The following RBFOX2 variants were observed in gnomAD, a reference collection of about 807,000 sequenced individuals.
The protein encoded by RBFOX2 is RNA binding protein fox-1 homolog 2.
A neutral mutation model predicts 49.1 loss-of-function variants in RBFOX2; 10 were observed. That is an observed-to-expected ratio of 0.20 (90% CI 0.13 to 0.35). The LOEUF is 0.35. Among genes scored for constraint, RBFOX2 ranks in the 10% least tolerant of loss-of-function variants. The probability of loss-of-function intolerance (pLI) is 1.00; values close to 1 mark genes in which losing one functional copy is unlikely to be tolerated. For missense variants in RBFOX2, 323 were observed against 486.9 expected, an observed-to-expected ratio of 0.66 and a Z score of 3.17; for synonymous variants, 183 against 187.4, an observed-to-expected ratio of 0.98 and a Z score of 0.19.
intron 9 of RBFOX2, among the ~76,000 whole-genome samples, chr22:35,750,039 G>A (rs976399868): frequency 2.0e-5 from 3 of 152,076 alleles, no homozygotes; most frequent in African/African-American, 7.2e-5. Flanking sequence ...ACAACGACCT[G>A]GTATTACGGA....
At chr22:35,942,470 C>T (rs945231846), upstream of RBFOX2, among the ~76,000 whole-genome samples, 1 of 151,662 alleles carries the variant, frequency 6.6e-6, no homozygotes, top group Admixed American at 6.6e-5. Flanking sequence ...TAGTGAAAAA[C>T]TAGGAAAAAA....
intron 3 of RBFOX2, among the ~76,000 whole-genome samples, chr22:35,779,004 C>T (rs981280284): frequency 6.6e-6 from 1 of 152,186 alleles, no homozygotes; most frequent in South Asian, 2.1e-4. Context: ...CTATTCACCA[C>T]TTTAATATTT....
At chr22:35,897,941 C>T in intron 1 of RBFOX2, 2 of 766,872 alleles carry the variant, frequency 2.6e-6, no homozygotes, top group East Asian at 2.5e-5. Flanking sequence ...TCCTTGGACA[C>T]CTGAGCAATT....
chr22:35,747,511 T>C (rs1371150778), intron 9 of RBFOX2: 1 of 152,218 alleles, frequency 6.6e-6, no homozygotes, highest in African/African-American at 2.4e-5. Context: ...AACTCAAATA[T>C]ACAAAAGGTT....
At position 35,761,402 on chromosome 22, in the gene RBFOX2, A is replaced by G. The variant is rs1288455300; in HGVS notation, c.661+13T>C. The G allele has an allele frequency of 1.2e-6, 2 of 1,613,960 alleles. No individual in the cohort carries two copies. The highest frequency in any genetic ancestry group is 2.2e-5 in the South Asian group (2 of 91,078). ...TTAAATAGCACAAGTGGAAACATTTACTTAAATACTACCTGCATATAACTC... is the reference window on the plus strand; with the variant it reads ...TTAAATAGCACAAGTGGAAACATTTGCTTAAATACTACCTGCATATAACTC... On this transcript the variant is annotated intron_variant, in intron 7 of 11. Coordinates refer to ENST00000405409, the Ensembl canonical transcript of RBFOX2.
At chr22:35,751,611 G>C (rs1375027196) in intron 9 of RBFOX2, among the ~76,000 whole-genome samples, 1 of 152,130 alleles carries the variant, frequency 6.6e-6, no homozygotes, top group Admixed American at 6.5e-5. Context: ...AGATATTATA[G>C]AGTTCTTTTG....
At chr22:35,770,724 C>T (rs1176244808) in intron 4 of RBFOX2, among the ~76,000 whole-genome samples, 1 of 152,110 alleles carries the variant, frequency 6.6e-6, no homozygotes, top group Non-Finnish European at 1.5e-5. Flanking sequence ...ACAATAACTG[C>T]ATCCAAAAGA....
intron 6 of RBFOX2, among the ~76,000 whole-genome samples, chr22:35,762,810 T>C (rs2146398520): frequency 6.6e-6 from 1 of 152,312 alleles, no homozygotes; most frequent in African/African-American, 2.4e-5. Flanking sequence ...CCAGCCACAA[T>C]TGGCCTTTTC....
At chr22:35,787,024 G>A (rs1602768377) in intron 2 of RBFOX2, among the ~76,000 whole-genome samples, 1 of 152,018 alleles carries the variant, frequency 6.6e-6, no homozygotes, top group Admixed American at 6.5e-5. Flanking sequence ...TACACTAGAG[G>A]TGACATGGGT....
chr22:36,005,726 C>G (rs2058594787), intron 1 of RBFOX2, among the ~76,000 whole-genome samples: 1 of 152,192 alleles, frequency 6.6e-6, no homozygotes, highest in Non-Finnish European at 1.5e-5. Flanking sequence ...ACCACTTTCA[C>G]CAGCTTTTGT....
At chr22:35,964,353 A>G (rs184859743), upstream of RBFOX2, among the ~76,000 whole-genome samples, 445 of 152,336 alleles carry the variant, frequency 2.9e-3, 4 homozygotes, top group African/African-American at 0.01. Flanking sequence ...TTAAACTCTA[A>G]GTAGGCACTC....
In RBFOX2 at chr22:35,812,404, G is replaced by A. The variant is rs569876774; in HGVS notation, c.28-2400C>T. On this transcript the variant is annotated intron_variant, in intron 1 of 11. Transcript: ENST00000405409. ...TTTACGTTATTTCTAGGTTAGGATA[G>A]TTTTTATGATGTCTTTATAGCTATT... Among the ~76,000 whole-genome samples, 4 of 152,228 alleles carry A rather than the reference G, an allele frequency of 2.6e-5. No individual in the cohort carries two copies. The South Asian group carries it at 8.3e-4, about 32-fold the overall frequency.
intron 1 of RBFOX2, among the ~76,000 whole-genome samples, chr22:35,989,911 G>A (rs2057897571): frequency 6.6e-6 from 1 of 152,204 alleles, no homozygotes. Context: ...GCCATGTGCG[G>A]TGGCTCACAC....
intron 1 of RBFOX2, among the ~76,000 whole-genome samples, chr22:35,829,235 C>A (rs1001028593): frequency 6.6e-6 from 1 of 151,896 alleles, no homozygotes; most frequent in African/African-American, 2.4e-5. Context: ...ACCAGGCATG[C>A]AAAGAAGCAG....
chr22:36,016,755 A>G (rs1459796516), intron 1 of RBFOX2, among the ~76,000 whole-genome samples: 1 of 152,184 alleles, frequency 6.6e-6, no homozygotes, highest in East Asian at 1.9e-4. Flanking sequence ...CATCACCATC[A>G]TTTGACAATT....
intron 4 of RBFOX2, among the ~76,000 whole-genome samples, chr22:35,771,596 T>A (rs1942689261): frequency 6.6e-6 from 1 of 152,174 alleles, no homozygotes; most frequent in Non-Finnish European, 1.5e-5. Flanking sequence ...AGAATTAAAG[T>A]CCATGATTAG....
intron 1 of RBFOX2, among the ~76,000 whole-genome samples, chr22:36,017,993 C>T (rs1161338004): frequency 6.6e-6 from 1 of 152,234 alleles, no homozygotes; most frequent in East Asian, 1.9e-4. Context: ...AACATGCAGT[C>T]TTCACAGGGG....
chr22:35,920,779 T>C (rs1205256422), intron 1 of RBFOX2, among the ~76,000 whole-genome samples: 1 of 152,198 alleles, frequency 6.6e-6, no homozygotes, highest in Non-Finnish European at 1.5e-5. Context: ...TGAAACGATG[T>C]TTATAATAAA....
intron 8 of RBFOX2, among the ~76,000 whole-genome samples, chr22:35,760,503 C>T (rs1178061515): frequency 6.6e-6 from 1 of 152,074 alleles, no homozygotes; most frequent in Non-Finnish European, 1.5e-5. Context: ...TACATGGTAC[C>T]AACCTCTAAG....
Sources: gnomAD v4.1 joint callset for allele counts (sites outside exome capture counted in the v4.1 genomes callset) on GRCh38, gnomAD v4.1.1 for gene constraint, MANE v1.5 for transcripts, NCBI Gene and HGNC (gene_info 2026-07-23, HGNC 2026-07-21) for gene names.